Variants in B4GALT5 observed in about 807,000 individuals in gnomAD.
The protein encoded by B4GALT5 is UDP-Gal:beta-GlcNAc beta-1,4-galactosyltransferase 5.
In B4GALT5, 11 loss-of-function variants were observed where a neutral mutation model predicts 45.0. That is an observed-to-expected ratio of 0.24 (90% CI 0.15 to 0.40). The LOEUF is 0.40. Among genes scored for constraint, B4GALT5 ranks in the 10% least tolerant of loss-of-function variants. B4GALT5 has a pLI of 1.00. For synonymous variants in B4GALT5, 185 were observed against 182.9 expected, an observed-to-expected ratio of 1.01 and a Z score of -0.09; for missense variants, 337 against 500.2, an observed-to-expected ratio of 0.67 and a Z score of 3.11.
At chr20:49,692,365 G>A (rs1041092314) in intron 1 of B4GALT5, among the ~76,000 whole-genome samples, 3 of 151,884 alleles carry the variant, frequency 2.0e-5, no homozygotes, top group Non-Finnish European at 4.4e-5. Flanking sequence ...TACTCAGGAG[G>A]CTGAGGCAGG....
intron 1 of B4GALT5, among the ~76,000 whole-genome samples, chr20:49,683,248 A>G (rs988188120): frequency 5.9e-5 from 9 of 152,360 alleles, no homozygotes; most frequent in African/African-American, 2.2e-4. Flanking sequence ...GTTGCAAACT[A>G]TCTGCACATA....
At chr20:49,637,929 AAAAAG>A (rs947936586) in intron 7 of B4GALT5, among the ~76,000 whole-genome samples, 18 of 152,042 alleles carry the variant, frequency 1.2e-4, no homozygotes, top group African/African-American at 3.1e-4. Context: ...ATCTGTCTCA[AAAAAG>A]AAAAGAAAAG....
intron 1 of B4GALT5, among the ~76,000 whole-genome samples, chr20:49,712,959 G>T (rs2085923535): frequency 6.6e-6 from 1 of 151,656 alleles, no homozygotes; most frequent in Non-Finnish European, 1.5e-5. Context: ...TCAGGCCACT[G>T]AAGAGGTGAA....
At chr20:49,663,690 A>AAAAAAAAAAAAAAAAAT (rs1555812124) in intron 1 of B4GALT5, among the ~76,000 whole-genome samples, 1 of 96,962 alleles carries the variant, frequency 1.0e-5, no homozygotes, top group African/African-American at 4.5e-5. Flanking sequence ...AAAAAAAAAA[A>AAAAAAAAAAAAAAAAAT]ATATATACAT....
At chr20:49,664,965 A>AT (rs555718701) in intron 1 of B4GALT5, among the ~76,000 whole-genome samples, 1 of 152,172 alleles carries the variant, frequency 6.6e-6, no homozygotes, top group East Asian at 1.9e-4. Context: ...CAGATTTGCA[A>AT]TTTTTTTCCA....
At chr20:49,710,083 A>G (rs1027205354) in intron 1 of B4GALT5, among the ~76,000 whole-genome samples, 4 of 152,248 alleles carry the variant, frequency 2.6e-5, no homozygotes, top group African/African-American at 9.6e-5. Flanking sequence ...TGGACAATTC[A>G]TAACATTTAT....
chr20:49,654,542 A>G (rs1393764582), intron 2 of B4GALT5, among the ~76,000 whole-genome samples: 1 of 152,340 alleles, frequency 6.6e-6, no homozygotes, highest in East Asian at 1.9e-4. Flanking sequence ...CTCTGTTGCT[A>G]AAGTGGACGG....
Position 49,691,435 on chromosome 20 carries a change from C to T in B4GALT5, c.115+22141G>A, listed in dbSNP as rs1462600510. On this transcript the variant is annotated intron_variant, in intron 1 of 8. Transcript: ENST00000371711. Reference sequence around the variant, plus strand: ...ACTCAGGAGGTTAAGGTGGGAGGATCGCTTGATCCTGGGAGGTTCAAGGCT... The same window carrying T: ...ACTCAGGAGGTTAAGGTGGGAGGATTGCTTGATCCTGGGAGGTTCAAGGCT... Among the ~76,000 whole-genome samples the T allele has an allele frequency of 4.6e-5, 7 of 152,014 alleles. No individual in the cohort carries two copies. The East Asian group carries it at 5.8e-4, about 13-fold the overall frequency.
chr20:49,636,907 GACACACACACACAC>G (rs5841760), intron 8 of B4GALT5, among the ~76,000 whole-genome samples: 5 of 146,388 alleles, frequency 3.4e-5, no homozygotes, highest in Admixed American at 6.8e-5. Flanking sequence ...ATTTAGAAAA[GACACACACACACAC>G]ACACACACAC....
intron 1 of B4GALT5, among the ~76,000 whole-genome samples, chr20:49,681,216 TAAAAA>T (rs10628956): frequency 2.8e-5 from 2 of 72,462 alleles, no homozygotes; most frequent in African/African-American, 6.4e-5. Flanking sequence ...ACCCCATCTC[TAAAAA>T]AAAAAAAAAA....
At chr20:49,694,389 C>T (rs905888914) in intron 1 of B4GALT5, among the ~76,000 whole-genome samples, 1 of 152,076 alleles carries the variant, frequency 6.6e-6, no homozygotes, top group African/African-American at 2.4e-5. Flanking sequence ...CGGTGGCTCA[C>T]ACATGTAACC....
At chr20:49,694,856 A>ACACC (rs762115258) in intron 1 of B4GALT5, among the ~76,000 whole-genome samples, 2,756 of 151,666 alleles carry the variant, frequency 0.018, 43 homozygotes, top group Non-Finnish European at 0.027. Context: ...ACACACACAC[A>ACACC]CACCCCTGAA....
At chr20:49,639,623 G>A in intron 7 of B4GALT5, 55 bp downstream of exon 7, 1 of 1,601,756 alleles carries the variant, frequency 6.2e-7, no homozygotes, top group Non-Finnish European at 8.5e-7. Context: ...GGATAGTATT[G>A]GTCTGCAGTC....
chr20:49,688,523 T>C (rs1032458182), intron 1 of B4GALT5, among the ~76,000 whole-genome samples: 2 of 152,158 alleles, frequency 1.3e-5, no homozygotes, highest in Non-Finnish European at 1.5e-5. Context: ...CCCATTCTAT[T>C]TGCCTAGCAA....
chr20:49,699,903 A>G (rs1405544423), intron 1 of B4GALT5, among the ~76,000 whole-genome samples: 2 of 152,220 alleles, frequency 1.3e-5, no homozygotes, highest in African/African-American at 4.8e-5. Flanking sequence ...AGACAAATGC[A>G]TAATCTCATC....
intron 1 of B4GALT5, among the ~76,000 whole-genome samples, chr20:49,694,169 A>G (rs1344186010): frequency 1.9e-4 from 29 of 152,186 alleles, no homozygotes; most frequent in Admixed American, 1.8e-3. Flanking sequence ...GAAGTTAGAA[A>G]AAGTATGTTC....
intron 1 of B4GALT5, among the ~76,000 whole-genome samples, chr20:49,674,081 C>CAAAA (rs34718276): frequency 1.8e-4 from 17 of 94,528 alleles, no homozygotes; most frequent in African/African-American, 3.3e-4. Context: ...ATTAAAAATA[C>CAAAA]AAAAAAAAAA....
At chr20:49,648,591 C>G (rs915731907) in intron 2 of B4GALT5, among the ~76,000 whole-genome samples, 2 of 152,200 alleles carry the variant, frequency 1.3e-5, no homozygotes, top group African/African-American at 4.8e-5. Flanking sequence ...AGTGGTTCTT[C>G]TGCTTTCTAC....
rs11476698 is a variant in B4GALT5, at chr20:49,699,367, CAAAAA to C, written c.115+14204_115+14208del. 4.5e-4 allele frequency among the ~76,000 whole-genome samples: 42 copies of C among 93,794 alleles called. 1 individual carries two copies. The highest frequency in any genetic ancestry group is 1.3e-4 in the African/African-American group (3 of 23,614). The allele number at this position is 93,794 out of a possible 152,430, so 61.5% of individuals were successfully genotyped here. A position where few individuals can be genotyped will look rare whatever the true frequency, so the allele number is the denominator to read the frequency against. On this transcript the variant is annotated intron_variant, in intron 1 of 8. Transcript: ENST00000371711. The stretch of plus-strand genomic sequence containing the variant: ...AAACCCATCTTGAATCCTAAATGGG[CAAAAA>C]AAAAAAAAAAAAAAAAACCCCACTA...
Sources: allele counts gnomAD v4.1 joint callset (sites outside exome capture counted in the v4.1 genomes callset), GRCh38; gene constraint gnomAD v4.1.1; transcripts MANE v1.5; gene names NCBI Gene and HGNC (gene_info 2026-07-23, HGNC 2026-07-21).